Variants in CDH18 observed in about 807,000 individuals in gnomAD.
CDH18 encodes cadherin-18.
In CDH18, 31 loss-of-function variants were observed where a neutral mutation model predicts 67.9. The observed-to-expected ratio is 0.46, with a 90% CI of 0.34 to 0.62. CDH18 has a LOEUF of 0.62. Ranked by LOEUF, CDH18 falls within the 20% of genes least tolerant of loss-of-function variation. The pLI, the probability that CDH18 is intolerant of heterozygous loss-of-function variation, is 0.01. For missense variants in CDH18, 890 were observed against 975.5 expected, an observed-to-expected ratio of 0.91 and a Z score of 1.17; for synonymous variants, 362 against 347.2, an observed-to-expected ratio of 1.04 and a Z score of -0.48.
At chr5:20,044,856 C>T (rs991584563) in intron 2 of CDH18, among the ~76,000 whole-genome samples, 2 of 152,158 alleles carry the variant, frequency 1.3e-5, no homozygotes, top group East Asian at 3.9e-4. Context: ...GATTATTATA[C>T]TCAAAATATT....
chr5:20,227,151 C>A (rs1741698871), intron 2 of CDH18, among the ~76,000 whole-genome samples: 1 of 152,058 alleles, frequency 6.6e-6, no homozygotes, highest in South Asian at 2.1e-4. Flanking sequence ...CCTTTCCTTT[C>A]TTGCACAACC....
intron 1 of CDH18, among the ~76,000 whole-genome samples, chr5:20,370,607 T>C (rs994342871): frequency 6.6e-6 from 1 of 152,126 alleles, no homozygotes; most frequent in Non-Finnish European, 1.5e-5. Context: ...ACAGGTGAAA[T>C]TTATGTGCAG....
At chr5:20,313,360 AT>A (rs561442489) in intron 1 of CDH18, among the ~76,000 whole-genome samples, 2 of 151,930 alleles carry the variant, frequency 1.3e-5, no homozygotes, top group African/African-American at 4.8e-5. Context: ...ATAGAGACTG[AT>A]TTTTTTGTCA....
At chr5:19,637,145 T>C (rs1228173230) in intron 5 of CDH18, among the ~76,000 whole-genome samples, 3 of 149,712 alleles carry the variant, frequency 2.0e-5, no homozygotes, top group Non-Finnish European at 2.9e-5. Context: ...TTTCTTTCTT[T>C]CTTTCTTTTT....
intron 1 of CDH18, among the ~76,000 whole-genome samples, chr5:20,346,139 C>A (rs1164374667): frequency 6.6e-6 from 1 of 152,128 alleles, no homozygotes. Context: ...CATGGGGGGA[C>A]TACCCACCTC....
In CDH18 at chr5:20,571,639, ATAACTC is replaced by A. The variant is rs528715452; in HGVS notation, c.-580+3817_-580+3822del. Among the ~76,000 whole-genome samples, 19 of 152,254 alleles carry A rather than the reference ATAACTC, an allele frequency of 1.2e-4. No homozygotes were observed. The East Asian group carries it at 3.1e-3, about 25-fold the overall frequency. ...TATGTAAATTTTCAAACAGAGAAAA[ATAACTC>A]TATATATTTACTCTGAAAAGACCAG... On this transcript the variant is annotated intron_variant, in intron 1 of 14. Coordinates refer to the CDH18 transcript ENST00000507958.
chr5:20,018,695 C>T (rs1278727632), intron 2 of CDH18, among the ~76,000 whole-genome samples: 1 of 152,012 alleles, frequency 6.6e-6, no homozygotes, highest in Admixed American at 6.6e-5. Context: ...GATTTTGTTT[C>T]CTATGGAATA....
At chr5:20,518,762 C>T (rs1021399949) in intron 1 of CDH18, among the ~76,000 whole-genome samples, 5 of 152,100 alleles carry the variant, frequency 3.3e-5, no homozygotes, top group African/African-American at 1.2e-4. Flanking sequence ...ATTCAGAAGT[C>T]CCTTCTCATG....
At chr5:19,670,720 C>G (rs1039433825) in intron 5 of CDH18, among the ~76,000 whole-genome samples, 3 of 152,026 alleles carry the variant, frequency 2.0e-5, no homozygotes, top group African/African-American at 7.2e-5. Flanking sequence ...TTCAGGAGAC[C>G]AAGCTGAACG....
chr5:20,049,910 T>G (rs2150488094), intron 2 of CDH18, among the ~76,000 whole-genome samples: 1 of 151,618 alleles, frequency 6.6e-6, no homozygotes, highest in African/African-American at 2.4e-5. Flanking sequence ...ACATTAGAAA[T>G]AAGAAAAACA....
At chr5:19,939,994 T>C (rs1794659712) in intron 2 of CDH18, among the ~76,000 whole-genome samples, 1 of 151,896 alleles carries the variant, frequency 6.6e-6, no homozygotes. Flanking sequence ...AGTTCCTATT[T>C]TAACAAGTTT....
intron 2 of CDH18, among the ~76,000 whole-genome samples, chr5:20,238,336 TAGAA>T (rs1742630942): frequency 6.6e-6 from 1 of 152,082 alleles, no homozygotes; most frequent in Admixed American, 6.6e-5. Context: ...CCATTTTTCT[TAGAA>T]AGAACTTGTA....
At chr5:20,004,601 A>C (rs1028502635) in intron 2 of CDH18, among the ~76,000 whole-genome samples, 1 of 152,238 alleles carries the variant, frequency 6.6e-6, no homozygotes, top group Non-Finnish European at 1.5e-5. Flanking sequence ...CTAAGATGGA[A>C]CAATTATTAA....
intron 1 of CDH18, among the ~76,000 whole-genome samples, chr5:20,410,668 A>T (rs1746692101): frequency 6.6e-6 from 1 of 151,618 alleles, no homozygotes; most frequent in African/African-American, 2.4e-5. Flanking sequence ...TTGAACATAA[A>T]AAAGGAATAA....
chr5:19,565,106 G>A (rs1309931741), intron 8 of CDH18, among the ~76,000 whole-genome samples: 2 of 152,114 alleles, frequency 1.3e-5, no homozygotes, highest in African/African-American at 2.4e-5. Flanking sequence ...GCCCTGGGCT[G>A]TGGAACATGA....
chr5:20,461,342 C>T (rs1751250707), intron 1 of CDH18, among the ~76,000 whole-genome samples: 1 of 152,072 alleles, frequency 6.6e-6, no homozygotes. Context: ...TTCCATATTT[C>T]TCCGTGTGTA....
At chr5:20,053,388 G>A (rs896524546) in intron 2 of CDH18, among the ~76,000 whole-genome samples, 1 of 151,592 alleles carries the variant, frequency 6.6e-6, no homozygotes, top group African/African-American at 2.4e-5. Context: ...TTCTTAGTGA[G>A]TCGATCCAGT....
intron 10 of CDH18, among the ~76,000 whole-genome samples, chr5:19,518,551 C>A (rs1746391931): frequency 6.9e-6 from 1 of 144,514 alleles, no homozygotes; most frequent in African/African-American, 2.7e-5. Context: ...ATAAAACAGG[C>A]AGAAGATGGA....
At chr5:19,699,855 G>C (rs1402422071) in intron 5 of CDH18, among the ~76,000 whole-genome samples, 1 of 152,016 alleles carries the variant, frequency 6.6e-6, no homozygotes, top group East Asian at 1.9e-4. Context: ...CAAACTGGGG[G>C]TGGTTGATGA....
Sources: gnomAD v4.1 joint callset for allele counts (sites outside exome capture counted in the v4.1 genomes callset) on GRCh38, gnomAD v4.1.1 for gene constraint, MANE v1.5 for transcripts, NCBI Gene and HGNC (gene_info 2026-07-23, HGNC 2026-07-21) for gene names.